ASH1L: variants seen among roughly 807,000 people sequenced by gnomAD.
ASH1L encodes the protein ASH1 like histone lysine methyltransferase.
In ASH1L, 23 loss-of-function variants were observed where a neutral mutation model predicts 269.0. The ratio of observed to expected loss-of-function variants is 0.09; its 90% CI spans 0.06 to 0.12. The LOEUF (loss-of-function observed/expected upper bound fraction) is 0.12, where lower values mean the gene tolerates loss of function less well. Among genes scored for constraint, ASH1L ranks in the 10% least tolerant of loss-of-function variants. ASH1L has a pLI of 1.00. For missense variants in ASH1L, 2,912 were observed against 3,567.8 expected (o/e 0.82, Z 4.68); for synonymous variants, 1,187 against 1,253.5 (o/e 0.95, Z 1.12).
chr1:155,435,237 T>C (rs902733569), intron 5 of ASH1L, among the ~76,000 whole-genome samples: 1 of 152,136 alleles, frequency 6.6e-6, no homozygotes, highest in East Asian at 1.9e-4. Flanking sequence ...AACTAATCAA[T>C]AGTACTGAAA....
intron 10 of ASH1L, among the ~76,000 whole-genome samples, chr1:155,371,606 TTGA>T (rs760232735): frequency 6.6e-6 from 1 of 152,030 alleles, no homozygotes; most frequent in Non-Finnish European, 1.5e-5. Context: ...AATCAGTAAT[TTGA>T]TGATGATTTC....
chr1:155,354,720 T>C (rs1450406576), intron 15 of ASH1L, 90 bp from the exon 16 acceptor site: 15 of 1,255,246 alleles, frequency 1.2e-5, no homozygotes, highest in African/African-American at 4.5e-5. Flanking sequence ...TGTTAGACGA[T>C]ATACGTGAAT....
Position 155,438,451 on chromosome 1 carries a change from G to GAAC in ASH1L, c.5701_5703dup (p.Val1901dup). ...TGTTCTGGGTTCAGATTTACACTCT[G>GAAC]AACAACAGCCTCAATTACATCTGTA... On this transcript the variant is annotated inframe_insertion, in exon 5 of 28. Transcript: ENST00000392403. The GAAC allele has an allele frequency of 6.2e-7, 1 of 1,613,850 alleles. No individual in the cohort carries two copies. The highest frequency in any genetic ancestry group is 1.1e-5 in the South Asian group (1 of 90,990).
chr1:155,490,645 TACACACACA>T (rs1558161529), intron 2 of ASH1L, among the ~76,000 whole-genome samples: 1 of 61,564 alleles, frequency 1.6e-5, no homozygotes, highest in African/African-American at 4.8e-5. Context: ...CACACACACA[TACACACACA>T]CTCTCTCTCT....
chr1:155,553,589 A>C lies in ASH1L; in HGVS notation c.-100+8564T>G, dbSNP rs556635524. Among the ~76,000 whole-genome samples, 29 of 152,256 alleles carry C rather than the reference A, an allele frequency of 1.9e-4. No individual in the cohort carries two copies. The South Asian group carries it at 6.0e-3, about 32-fold the overall frequency. ...CCTCTACCTAGAACGCCCTCTCTTA[A>C]GTCTGAATGTCTCACACTTATCCTT... On this transcript the variant is annotated intron_variant, in intron 1 of 27. Coordinates refer to ENST00000392403, the MANE Select transcript of ASH1L (RefSeq NM_018489.3).
At chr1:155,394,957 C>A (rs570980622) in intron 7 of ASH1L, among the ~76,000 whole-genome samples, 5 of 152,180 alleles carry the variant, frequency 3.3e-5, no homozygotes, top group Admixed American at 3.3e-4. Flanking sequence ...TTTTTAGAGA[C>A]AGGATTTCTC....
chr1:155,349,474 C>T lies in ASH1L; in HGVS notation c.7422-15G>A, dbSNP rs1653677365. 6.2e-7 allele frequency: 1 copy of T among 1,613,884 alleles called. No homozygotes were observed. The highest frequency in any genetic ancestry group is 1.3e-5 in the African/African-American group (1 of 74,888). On this transcript the variant is annotated splice_polypyrimidine_tract_variant and intron_variant, in intron 18 of 27. Transcript: ENST00000392403. ...AATCAGCATTCCTGGAACACAAAGC[C>T]AGGGTGTCAATCTGGCACACTTAGC... is the stretch of plus-strand genomic sequence containing the variant.
At chr1:155,513,848 T>C (rs1223467501) in intron 2 of ASH1L, among the ~76,000 whole-genome samples, 5 of 152,148 alleles carry the variant, frequency 3.3e-5, no homozygotes, top group Non-Finnish European at 7.4e-5. Context: ...TGAACAAATC[T>C]AGAAATTAAT....
chr1:155,414,757 T>C (rs746318888), intron 6 of ASH1L, among the ~76,000 whole-genome samples: 21 of 152,196 alleles, frequency 1.4e-4, no homozygotes, highest in Non-Finnish European at 2.9e-4. Flanking sequence ...CTTTGTATCC[T>C]TTTTACATGC....
At chr1:155,356,964 C>T (rs1183380340) in intron 15 of ASH1L, among the ~76,000 whole-genome samples, 1 of 150,056 alleles carries the variant, frequency 6.7e-6, no homozygotes, top group Non-Finnish European at 1.5e-5. Context: ...GGTGTGGTGG[C>T]ATGTGCCTGC....
Position 155,479,138 on chromosome 1 carries a change from A to G in ASH1L, c.3732T>C (p.Leu1244=). The part of the protein sequence containing the change: ...PPETSTVLSS[L]KEKHKHKCKR... ...TACATTTGTGTTTATGTTTTTCTTT[A>G]AGACTGCTTAGCACTGTAGAGGTTT... The change falls in exon 3 of 28, where the codon CTT becomes CTC. Residue 1244 remains leucine, a synonymous_variant. Transcript: ENST00000392403. 2.5e-6 allele frequency: 4 copies of G among 1,614,016 alleles called. No individual in the cohort carries two copies. Among genetic ancestry groups the G allele is most frequent in the Non-Finnish European group, 3.4e-6 (4 of 1,179,998 alleles).
intron 5 of ASH1L, among the ~76,000 whole-genome samples, chr1:155,436,154 AT>A (rs1320180411): frequency 2.6e-5 from 4 of 151,956 alleles, no homozygotes; most frequent in Non-Finnish European, 5.9e-5. Context: ...TTTGCCCTAT[AT>A]TTTCTCCTAA....
chr1:155,349,842 C>T (rs543339248), intron 17 of ASH1L, among the ~76,000 whole-genome samples: 5 of 149,790 alleles, frequency 3.3e-5, no homozygotes, highest in Middle Eastern at 3.4e-3. Flanking sequence ...CTCAGCCTCC[C>T]GAGCAGCTGG....
At chr1:155,339,830 A>G (rs1422062887) in intron 25 of ASH1L, among the ~76,000 whole-genome samples, 1 of 152,218 alleles carries the variant, frequency 6.6e-6, no homozygotes, top group Non-Finnish European at 1.5e-5. Flanking sequence ...GGCAGTTGTA[A>G]TACCATGGTA....
In ASH1L at chr1:155,338,305, G is replaced by C; in HGVS notation, c.8587C>G (p.Leu2863Val). ...DDALPLIEEV[L>V]ASQEQAANEI... ...TTGGCTGCTTGCTCTTGACTGGCTA[G>C]AACCTCTTCAATCAAGGGTAGAGCA... The change falls in exon 27 of 28, where the codon CTA (leucine) becomes GTA (valine). Residue 2863 changes from leucine to valine, a missense_variant. Physicochemically the swap from Leu to Val is conservative, Grantham distance 32. Around this residue, in one of 13 missense-constraint regions of ASH1L, gnomAD observed 154 missense variants for 165.0 expected, o/e 0.93. Coordinates refer to ENST00000392403, the MANE Select transcript of ASH1L (RefSeq NM_018489.3). 1 of 1,613,964 alleles carries C rather than the reference G, an allele frequency of 6.2e-7. No homozygotes were observed. The highest frequency in any genetic ancestry group is 8.5e-7 in the Non-Finnish European group (1 of 1,180,006).
chr1:155,372,127 G>A (rs541741702), intron 10 of ASH1L, among the ~76,000 whole-genome samples: 1 of 150,988 alleles, frequency 6.6e-6, no homozygotes, highest in East Asian at 1.9e-4. Flanking sequence ...CCTTATCTGG[G>A]ATTACAGGCG....
At chr1:155,507,053 C>T (rs1667860979) in intron 2 of ASH1L, among the ~76,000 whole-genome samples, 2 of 152,112 alleles carry the variant, frequency 1.3e-5, no homozygotes, top group Non-Finnish European at 2.9e-5. Context: ...GAGGCCAAGG[C>T]GGGCAGGCCA....
At chr1:155,385,717 T>C (rs919429632) in intron 7 of ASH1L, among the ~76,000 whole-genome samples, 5 of 152,206 alleles carry the variant, frequency 3.3e-5, no homozygotes, top group Non-Finnish European at 7.3e-5. Flanking sequence ...CTAGATTTTA[T>C]GAAATTTGTA....
At chr1:155,428,211 G>A (rs1297714066) in intron 5 of ASH1L, among the ~76,000 whole-genome samples, 2 of 152,138 alleles carry the variant, frequency 1.3e-5, no homozygotes, top group Non-Finnish European at 2.9e-5. Context: ...GGCCAAGGCA[G>A]GTGGATCACC....
Sources: allele counts gnomAD v4.1 joint callset (sites outside exome capture counted in the v4.1 genomes callset), GRCh38; gene constraint gnomAD v4.1.1; regional missense constraint gnomAD v4.1.1; transcripts MANE v1.5; gene names NCBI Gene and HGNC (gene_info 2026-07-23, HGNC 2026-07-21).